ARHGAP23: variants seen among roughly 807,000 people sequenced by gnomAD.
The protein encoded by ARHGAP23 is Rho GTPase activating protein 23, also known as rho GTPase-activating protein 23.
A neutral mutation model predicts 136.3 loss-of-function variants in ARHGAP23; 34 were observed. That is an observed-to-expected ratio of 0.25 (90% CI 0.19 to 0.33). The LOEUF (loss-of-function observed/expected upper bound fraction) is 0.33. Ranked by LOEUF, ARHGAP23 falls within the 10% of genes least tolerant of loss-of-function variation. The probability of loss-of-function intolerance (pLI) is 1.00; values close to 1 mark genes in which losing one functional copy is unlikely to be tolerated. For missense variants in ARHGAP23, 1,808 were observed against 2,139.0 expected (o/e 0.85, Z 3.05); for synonymous variants, 832 against 920.5 (o/e 0.90, Z 1.74).
chr17:38,425,082 T>C (rs1375494602), upstream of ARHGAP23, among the ~76,000 whole-genome samples: 1 of 152,224 alleles, frequency 6.6e-6, no homozygotes, highest in Non-Finnish European at 1.5e-5. Context: ...TCCCGTTATG[T>C]GCCACGGTGG....
At position 38,477,676 on chromosome 17, in the gene ARHGAP23, C is replaced by T. The variant is rs755264872; in HGVS notation, c.2216C>T (p.Ala739Val). Residue 739 changes from alanine (A) to valine (V), a missense_variant, in exon 12 of 24, where the codon GCG becomes GTG. By Grantham distance (64) the Ala-to-Val change is moderately conservative. This residue lies in a region of ARHGAP23 where 139 missense variants were observed against 264.3 expected (regional missense o/e 0.53). Coordinates refer to ENST00000622683, the MANE Select transcript of ARHGAP23 (RefSeq NM_001199417.2). The surrounding 1 kb of genome is among the most constrained non-coding windows in gnomAD (Gnocchi z 6.6). ...AAGGAGCGGCGGGAGCCCGGGCCGG[C>T]GGCGGCGGGGGCTGCGGCGGCCGGC... is the stretch of plus-strand genomic sequence containing the variant. Reference protein sequence around the residue: ...LSKERREPGPAAAGAAAAGAG... With the variant: ...LSKERREPGPVAAGAAAAGAG... 2.6e-4 allele frequency: 345 copies of T among 1,305,754 alleles called. 1 individual carries two copies. The highest frequency in any genetic ancestry group is 2.4e-4 in the Non-Finnish European group (246 of 1,025,792). The allele number at this position is 1,305,754 out of a possible 1,614,324, so 80.9% of individuals were successfully genotyped here.
At chr17:38,463,970 C>T (rs2039522106) in intron 6 of ARHGAP23, among the ~76,000 whole-genome samples, 1 of 152,106 alleles carries the variant, frequency 6.6e-6, no homozygotes, top group Non-Finnish European at 1.5e-5. Context: ...CAGCGAAGTG[C>T]ACCACAACAC....
chr17:38,468,259 C>G (rs952053489), intron 7 of ARHGAP23, among the ~76,000 whole-genome samples: 1 of 152,160 alleles, frequency 6.6e-6, no homozygotes, highest in African/African-American at 2.4e-5. Context: ...CAGAGGGAAC[C>G]CTCTAAGGCT....
At chr17:38,422,672 T>C (rs1263106180) in intron 1 of ARHGAP23, among the ~76,000 whole-genome samples, 1 of 152,146 alleles carries the variant, frequency 6.6e-6, no homozygotes, top group African/African-American at 2.4e-5. Flanking sequence ...TAGCCAGCTG[T>C]CCAGAGGTTT....
intron 1 of ARHGAP23, chr17:38,452,194 C>G (rs897590312): frequency 5.9e-5 from 9 of 152,874 alleles, no homozygotes; most frequent in African/African-American, 1.9e-4. Flanking sequence ...GCTCCCTTCC[C>G]GTCCCTTTGC....
rs535251416 is a variant in ARHGAP23, at chr17:38,460,948, C to T, written c.253+16C>T. On this transcript the variant is annotated intron_variant, in intron 3 of 23. Transcript: ENST00000622683. The stretch of plus-strand genomic sequence containing the variant: ...CGTGGAGGAGGTAAGGGAGGACTGG[C>T]GGGCGCTGGACCTGCACGGGACTCC... The T allele has an allele frequency of 1.4e-4, 220 of 1,535,824 alleles. 1 individual carries two copies. The African/African-American group carries it at 2.6e-3, about 18-fold the overall frequency.
intron 8 of ARHGAP23, 85 bp from the exon 9 acceptor site, chr17:38,469,439 T>G (rs1021451148): frequency 4.8e-6 from 7 of 1,467,206 alleles, no homozygotes; most frequent in Non-Finnish European, 6.4e-6. Flanking sequence ...AGTCACCTCC[T>G]GCCCCTGCCC....
rs116350995 is a variant in ARHGAP23 at position 38,435,963 on chromosome 17, A to G, written c.63+7415A>G. On this transcript the variant is annotated intron_variant, in intron 1 of 23. Coordinates refer to ENST00000622683, the MANE Select transcript of ARHGAP23 (RefSeq NM_001199417.2). ...AGGTGTGGCCCTGGGCTCCTCCCCA[A>G]GAGAGGTGGAGGAGGGGGCGGAGGC... is the stretch of plus-strand genomic sequence containing the variant. Among the ~76,000 whole-genome samples the G allele has an allele frequency of 1.8e-3, 270 of 152,288 alleles. 2 individuals are homozygous for G. Among genetic ancestry groups the G allele is most frequent in the African/African-American group, 6.2e-3 (257 of 41,572 alleles).
rs888959390 is a variant in ARHGAP23 at position 38,458,168 on chromosome 17, C to A, written c.130C>A (p.Leu44Met). The change falls in exon 2 of 24, where the codon CTG becomes ATG. Residue 44 changes from leucine to methionine, a missense_variant. This residue lies in a region of ARHGAP23 where 859 missense variants were observed against 936.4 expected (regional missense o/e 0.92). Coordinates refer to ENST00000622683, the MANE Select transcript of ARHGAP23 (RefSeq NM_001199417.2). The stretch of plus-strand genomic sequence containing the variant: ...CTTCCCCTGGCAGGGGCCGAGGACG[C>A]TGCTGCTGTACAAAAGTCCCCAGGA... The part of the protein sequence containing the change: ...RPFPWQGPRT[L>M]LLYKSPQDGF... 43 of 1,536,022 alleles carry A rather than the reference C, an allele frequency of 2.8e-5. No individual in the cohort carries two copies. The highest frequency in any genetic ancestry group is 3.7e-5 in the Non-Finnish European group (42 of 1,146,902).
intron 11 of ARHGAP23, among the ~76,000 whole-genome samples, chr17:38,474,860 G>T (rs924440971): frequency 6.6e-6 from 1 of 152,202 alleles, no homozygotes; most frequent in Non-Finnish European, 1.5e-5. Context: ...CATGTGCACT[G>T]TGCGAGGAGA....
At chr17:38,423,193 T>G (rs1372486212) in intron 1 of ARHGAP23, among the ~76,000 whole-genome samples, 1 of 151,314 alleles carries the variant, frequency 6.6e-6, no homozygotes, top group Non-Finnish European at 1.5e-5. Flanking sequence ...AGGTGCTCAA[T>G]AATTTTTTTT....
chr17:38,431,758 A>G (rs2038690690), intron 1 of ARHGAP23, among the ~76,000 whole-genome samples: 1 of 152,182 alleles, frequency 6.6e-6, no homozygotes, highest in East Asian at 1.9e-4. Context: ...CTGTTACGCT[A>G]CAGTGGGGAA....
chr17:38,487,864 A>AAAATAAAT (rs781026195), intron 17 of ARHGAP23, among the ~76,000 whole-genome samples: 2 of 151,948 alleles, frequency 1.3e-5, no homozygotes, highest in African/African-American at 4.8e-5. Flanking sequence ...ACTCCATCTC[A>AAAATAAAT]AAATAAATAA....
chr17:38,480,801 C>G (rs1379503860), intron 14 of ARHGAP23, among the ~76,000 whole-genome samples: 7 of 126,136 alleles, frequency 5.5e-5, no homozygotes, highest in Admixed American at 2.5e-4. Flanking sequence ...GAGACCCTGT[C>G]TCAAAAAAAA....
chr17:38,480,090 C>T lies in ARHGAP23; in HGVS notation c.2629+207C>T, dbSNP rs537967793. ...GTGGAAGGGCCTGGAGCCTGATTCC[C>T]GTCCCTGACATCCCTGCTGGGTGGT... On this transcript the variant is annotated intron_variant, in intron 14 of 23. Transcript: ENST00000622683. Among the ~76,000 whole-genome samples, 30 of 152,226 alleles carry T rather than the reference C, an allele frequency of 2.0e-4. No individual in the cohort carries two copies. In the East Asian group the frequency reaches 4.7e-3, roughly 24 times the overall value.
chr17:38,448,892 C>A (rs1381216087), intron 1 of ARHGAP23, among the ~76,000 whole-genome samples: 1 of 142,018 alleles, frequency 7.0e-6, no homozygotes, highest in Non-Finnish European at 1.5e-5. Context: ...GGGTCTCACA[C>A]TGCAGCCTTG....
intron 22 of ARHGAP23, among the ~76,000 whole-genome samples, chr17:38,499,507 C>T (rs984614807): frequency 7.2e-5 from 11 of 152,308 alleles, no homozygotes; most frequent in African/African-American, 2.6e-4. Context: ...GACTCCTCCC[C>T]CCGCCATGGT....
intron 23 of ARHGAP23, 119 bp downstream of exon 23, chr17:38,500,747 G>C: frequency 1.0e-6 from 1 of 977,938 alleles, no homozygotes; most frequent in Non-Finnish European, 1.6e-6. Flanking sequence ...TGGTCCCTGG[G>C]AGGGAAGGCA....
At chr17:38,491,557 C>G in intron 20 of ARHGAP23, 25 bp downstream of exon 20, 1 of 1,549,220 alleles carries the variant, frequency 6.5e-7, no homozygotes, top group Non-Finnish European at 8.7e-7. Context: ...CGGGGGGCGC[C>G]CGGCAGCCCC....
Sources: allele counts gnomAD v4.1 joint callset (sites outside exome capture counted in the v4.1 genomes callset), GRCh38; gene constraint gnomAD v4.1.1; regional missense constraint gnomAD v4.1.1; non-coding constraint Gnocchi (gnomAD v3.1); transcripts MANE v1.5; gene names NCBI Gene and HGNC (gene_info 2026-07-23, HGNC 2026-07-21).